The following ADAMTSL1 variants were observed in gnomAD, a reference collection of about 807,000 sequenced individuals.
The protein encoded by ADAMTSL1 is ADAMTS like 1.
Under a neutral mutation model 201.8 loss-of-function variants are expected in ADAMTSL1, and 126 were observed. The observed-to-expected ratio is 0.62, with a 90% CI of 0.54 to 0.72. ADAMTSL1 has a LOEUF of 0.72. ADAMTSL1 is among the 30% of genes least tolerant of loss of function. ADAMTSL1 has a pLI of 0.00. For missense variants in ADAMTSL1, 2,679 were observed against 2,277.8 expected (o/e 1.18, Z -3.59); for synonymous variants, 1,121 against 903.4 (o/e 1.24, Z -4.32).
chr9:18,071,638 C>G (rs140498204), intron 1 of ADAMTSL1, among the ~76,000 whole-genome samples: 6 of 152,312 alleles, frequency 3.9e-5, no homozygotes, highest in African/African-American at 1.4e-4. Flanking sequence ...CTGCTTTTAT[C>G]CATGTACCTA....
chr9:18,300,526 G>A (rs1833665499), intron 2 of ADAMTSL1, among the ~76,000 whole-genome samples: 1 of 152,072 alleles, frequency 6.6e-6, no homozygotes, highest in African/African-American at 2.4e-5. Context: ...TGAGTTGATG[G>A]GTGCAGCAAA....
intron 1 of ADAMTSL1, among the ~76,000 whole-genome samples, chr9:18,497,531 A>T (rs979547923): frequency 6.6e-6 from 1 of 152,172 alleles, no homozygotes; most frequent in African/African-American, 2.4e-5. Flanking sequence ...ATCTCTATCA[A>T]AAAAATGCAT....
At chr9:18,563,210 T>A (rs1821649123) in intron 3 of ADAMTSL1, among the ~76,000 whole-genome samples, 1 of 152,222 alleles carries the variant, frequency 6.6e-6, no homozygotes, top group Non-Finnish European at 1.5e-5. Flanking sequence ...GACATCCTTT[T>A]TGTTGATGTT....
intron 3 of ADAMTSL1, among the ~76,000 whole-genome samples, chr9:18,569,731 A>G (rs1435399807): frequency 6.6e-6 from 1 of 152,202 alleles, no homozygotes; most frequent in Admixed American, 6.5e-5. Flanking sequence ...GTCTCCATCA[A>G]TGCTTTCTAT....
chr9:18,280,901 G>T, intron 2 of ADAMTSL1, among the ~76,000 whole-genome samples: 2 of 130,474 alleles, frequency 1.5e-5, no homozygotes, highest in Non-Finnish European at 1.6e-5. Flanking sequence ...CCTGAGACAA[G>T]GTCTCACTCT....
intron 2 of ADAMTSL1, among the ~76,000 whole-genome samples, chr9:18,420,036 A>AT (rs1014260143): frequency 1.3e-5 from 2 of 152,154 alleles, no homozygotes; most frequent in Non-Finnish European, 2.9e-5. Flanking sequence ...CCTATTTGAA[A>AT]TTCTTAAAAA....
intron 2 of ADAMTSL1, among the ~76,000 whole-genome samples, chr9:18,388,974 C>A (rs1177026992): frequency 6.6e-6 from 1 of 152,036 alleles, no homozygotes; most frequent in Non-Finnish European, 1.5e-5. Context: ...CTAGACTTGT[C>A]TTGAACTCCT....
intron 3 of ADAMTSL1, 102 bp downstream of exon 3, chr9:18,533,394 C>A: frequency 2.2e-6 from 2 of 922,138 alleles, no homozygotes; most frequent in South Asian, 3.7e-5. Flanking sequence ...ACTAGTATTT[C>A]ACTGAGAGTT....
intron 1 of ADAMTSL1, among the ~76,000 whole-genome samples, chr9:18,154,283 C>T (rs1827049355): frequency 6.6e-6 from 1 of 152,012 alleles, no homozygotes; most frequent in African/African-American, 2.4e-5. Flanking sequence ...CATTATGTCC[C>T]ATAATTTATG....
Position 18,204,131 on chromosome 9 carries a change from A to T in ADAMTSL1, c.207+40150A>T, listed in dbSNP as rs191970187. On this transcript the variant is annotated intron_variant, in intron 2 of 29. Transcript: ENST00000680146. ...GCTAGCTGCTCTTTGGACATTTTTCATTTATTACTTAACCCTATGTGATTG... is the reference window on the plus strand; with the variant it reads ...GCTAGCTGCTCTTTGGACATTTTTCTTTTATTACTTAACCCTATGTGATTG... 3.7e-3 allele frequency among the ~76,000 whole-genome samples: 569 copies of T among 152,160 alleles called. 3 individuals carry two copies. The highest frequency in any genetic ancestry group is 9.3e-3 in the South Asian group (45 of 4,816).
chr9:18,365,003 A>G (rs1182119046), intron 2 of ADAMTSL1, among the ~76,000 whole-genome samples: 3 of 152,110 alleles, frequency 2.0e-5, no homozygotes, highest in East Asian at 1.9e-4. Flanking sequence ...TTGACATGAG[A>G]TTGAGTGGGG....
At chr9:18,103,698 A>G (rs1437896608) in intron 1 of ADAMTSL1, among the ~76,000 whole-genome samples, 1 of 152,184 alleles carries the variant, frequency 6.6e-6, no homozygotes, top group Admixed American at 6.5e-5. Flanking sequence ...GCAATGTTGT[A>G]TGTCATATGA....
intron 3 of ADAMTSL1, among the ~76,000 whole-genome samples, chr9:18,535,461 C>A (rs111571203): frequency 1.4e-4 from 21 of 152,254 alleles, no homozygotes; most frequent in African/African-American, 5.1e-4. Context: ...TCCAACCTTT[C>A]CCACATTTTC....
chr9:18,798,018 A>G (rs1822539753), intron 20 of ADAMTSL1, among the ~76,000 whole-genome samples: 1 of 152,144 alleles, frequency 6.6e-6, no homozygotes, highest in South Asian at 2.1e-4. Context: ...CCTCTTGATG[A>G]ATCTCAGCAC....
intron 4 of ADAMTSL1, among the ~76,000 whole-genome samples, chr9:18,617,806 G>A (rs1889006): frequency 0.26 from 38,907 of 151,906 alleles, 5,388 homozygotes; most frequent in East Asian, 0.48. Context: ...TTACTTTTTT[G>A]TTACCTGAGA....
intron 2 of ADAMTSL1, among the ~76,000 whole-genome samples, chr9:18,417,394 AAAGAT>A (rs1036904873): frequency 4.0e-5 from 6 of 149,874 alleles, no homozygotes; most frequent in African/African-American, 1.5e-4. Context: ...AAAAAAAAAC[AAAGAT>A]GAGGGCAGAA....
chr9:18,797,343 C>T (rs1822485766), intron 20 of ADAMTSL1, among the ~76,000 whole-genome samples: 1 of 152,224 alleles, frequency 6.6e-6, no homozygotes, highest in Non-Finnish European at 1.5e-5. Flanking sequence ...AGTTTATCAT[C>T]CACACCTGTG....
chr9:18,304,641 G>T (rs987604699), intron 2 of ADAMTSL1, among the ~76,000 whole-genome samples: 7 of 148,644 alleles, frequency 4.7e-5, no homozygotes, highest in Non-Finnish European at 7.4e-5. Context: ...TAGCACAAGG[G>T]CCTAAACTTT....
chr9:18,481,849 G>T (rs78760131), intron 1 of ADAMTSL1, among the ~76,000 whole-genome samples: 1 of 152,118 alleles, frequency 6.6e-6, no homozygotes, highest in Non-Finnish European at 1.5e-5. Context: ...CAAGATAAAT[G>T]GTTATCTTTG....
Sources: allele counts gnomAD v4.1 joint callset (sites outside exome capture counted in the v4.1 genomes callset), GRCh38; gene constraint gnomAD v4.1.1; transcripts MANE v1.5; gene names NCBI Gene and HGNC (gene_info 2026-07-23, HGNC 2026-07-21).